Variants in UNC13C observed in about 807,000 individuals in gnomAD.
UNC13C encodes protein unc-13 homolog C.
Under a neutral mutation model 245.4 loss-of-function variants are expected in UNC13C, and 174 were observed. The observed-to-expected ratio is 0.71, with a 90% CI of 0.63 to 0.80. The LOEUF (loss-of-function observed/expected upper bound fraction) is 0.80. Among genes scored for constraint, UNC13C ranks in the 30% least tolerant of loss-of-function variants. UNC13C has a pLI of 0.00. For missense variants in UNC13C, 2,829 were observed against 2,602.9 expected, an observed-to-expected ratio of 1.09 and a Z score of -1.89; for synonymous variants, 992 against 895.1, an observed-to-expected ratio of 1.11 and a Z score of -1.93.
chr15:53,979,968 A>G (rs1163004871), intron 1 of UNC13C, among the ~76,000 whole-genome samples: 1 of 152,160 alleles, frequency 6.6e-6, no homozygotes, highest in Non-Finnish European at 1.5e-5. Context: ...GAGAAACGAG[A>G]ATGAGAAAGT....
intron 1 of UNC13C, among the ~76,000 whole-genome samples, chr15:54,012,096 G>C (rs574253144): frequency 1.3e-5 from 2 of 152,076 alleles, no homozygotes; most frequent in African/African-American, 4.8e-5. Context: ...AAATGTAAAC[G>C]TTATTTTCTT....
chr15:53,869,563 A>G, the UNC13C span, among the ~76,000 whole-genome samples: 1 of 152,212 alleles, frequency 6.6e-6, no homozygotes, highest in Non-Finnish European at 1.5e-5. Context: ...AGTAATAAGT[A>G]ATAGTACTTA....
intron 29 of UNC13C, among the ~76,000 whole-genome samples, chr15:54,566,259 C>A (rs1392856231): frequency 1.3e-5 from 2 of 151,950 alleles, no homozygotes; most frequent in Non-Finnish European, 2.9e-5. Context: ...AATCTTTTTT[C>A]CATCCTTAAA....
chr15:54,520,627 C>G (rs193234404), intron 24 of UNC13C, among the ~76,000 whole-genome samples: 1 of 152,148 alleles, frequency 6.6e-6, no homozygotes, highest in Admixed American at 6.5e-5. Context: ...CAGGGATATA[C>G]AGAGGAGGAA....
chr15:54,126,654 G>T (rs1314174438), intron 2 of UNC13C, among the ~76,000 whole-genome samples: 1 of 152,134 alleles, frequency 6.6e-6, no homozygotes, highest in Non-Finnish European at 1.5e-5. Flanking sequence ...CATGGGCAAA[G>T]ACTTCAGGAC....
chr15:54,429,526 T>G (rs1187981064), intron 19 of UNC13C, among the ~76,000 whole-genome samples: 1 of 151,770 alleles, frequency 6.6e-6, no homozygotes, highest in Non-Finnish European at 1.5e-5. Flanking sequence ...CTATAACTAG[T>G]ATTTCTCCCA....
intron 4 of UNC13C, among the ~76,000 whole-genome samples, chr15:54,205,514 G>A (rs2034679873): frequency 6.6e-6 from 1 of 151,982 alleles, no homozygotes; most frequent in South Asian, 2.1e-4. Context: ...CCTCATACCT[G>A]CCACACAGTA....
chr15:53,873,181 C>G, the UNC13C span, among the ~76,000 whole-genome samples: 6 of 151,906 alleles, frequency 3.9e-5, no homozygotes, highest in Admixed American at 3.9e-4. Flanking sequence ...CCTCTGGGCT[C>G]GGTCCTGTTT....
Position 54,076,325 on chromosome 15 carries a change from T to C in UNC13C, c.2983+60439T>C, listed in dbSNP as rs371652751. On this transcript the variant is annotated intron_variant, in intron 2 of 32. Coordinates refer to ENST00000260323, the MANE Select transcript of UNC13C (RefSeq NM_001080534.3). ...TTCCTGTGTCCATGTGATCTCATTGTTCATTTCCCACCTATGAGTGAGAAT... is the reference window on the plus strand; with the variant it reads ...TTCCTGTGTCCATGTGATCTCATTGCTCATTTCCCACCTATGAGTGAGAAT... 8.1e-3 allele frequency among the ~76,000 whole-genome samples: 1,156 copies of C among 142,770 alleles called. 25 individuals are homozygous for C. Among genetic ancestry groups the C allele is most frequent in the African/African-American group, 0.028 (1,090 of 38,298 alleles). 93.7% of individuals were successfully genotyped at this position (142,770 alleles called of 152,430 possible).
chr15:54,457,485 C>T (rs1259160467), intron 19 of UNC13C, among the ~76,000 whole-genome samples: 3 of 151,998 alleles, frequency 2.0e-5, no homozygotes, highest in Non-Finnish European at 4.4e-5. Flanking sequence ...TTATAGAATT[C>T]AGCTGTGAAT....
At chr15:54,115,074 A>G (rs1401039477) in intron 2 of UNC13C, among the ~76,000 whole-genome samples, 1 of 152,018 alleles carries the variant, frequency 6.6e-6, no homozygotes, top group Non-Finnish European at 1.5e-5. Flanking sequence ...TGTTCTGGAA[A>G]TATATACTGT....
chr15:54,233,308 C>T (rs2035602264), intron 4 of UNC13C, among the ~76,000 whole-genome samples: 2 of 152,066 alleles, frequency 1.3e-5, no homozygotes, highest in Admixed American at 6.6e-5. Context: ...TTCTTTTCTT[C>T]TCTCTTTTCT....
intron 19 of UNC13C, among the ~76,000 whole-genome samples, chr15:54,462,048 A>T (rs904086622): frequency 6.6e-6 from 1 of 152,136 alleles, no homozygotes; most frequent in African/African-American, 2.4e-5. Context: ...TATGTTTTCC[A>T]GTCATGTTAA....
the UNC13C span, among the ~76,000 whole-genome samples, chr15:53,902,518 G>A: frequency 3.9e-5 from 6 of 152,226 alleles, no homozygotes; most frequent in Admixed American, 3.3e-4. Flanking sequence ...AGTAGAAGGA[G>A]TAATTAGGGA....
At chr15:54,363,280 T>G (rs1437051610) in intron 17 of UNC13C, among the ~76,000 whole-genome samples, 1 of 152,138 alleles carries the variant, frequency 6.6e-6, no homozygotes, top group Non-Finnish European at 1.5e-5. Context: ...AGCCAATTTT[T>G]GTATTTTTAT....
chr15:54,467,549 G>T (rs1056401114), intron 19 of UNC13C, among the ~76,000 whole-genome samples: 3 of 151,518 alleles, frequency 2.0e-5, no homozygotes, highest in Non-Finnish European at 3.0e-5. Context: ...TAGTCACCAT[G>T]CTATGCAATA....
At chr15:54,517,038 A>C (rs1027352356) in intron 24 of UNC13C, among the ~76,000 whole-genome samples, 4 of 152,108 alleles carry the variant, frequency 2.6e-5, no homozygotes, top group Non-Finnish European at 4.4e-5. Flanking sequence ...AAATTCTTGC[A>C]GTTTTTTAAG....
chr15:53,985,847 T>C (rs369455864), intron 1 of UNC13C, among the ~76,000 whole-genome samples: 2 of 152,048 alleles, frequency 1.3e-5, no homozygotes, highest in South Asian at 4.1e-4. Flanking sequence ...ATTTTCCTCA[T>C]TGGGTGTGTA....
At chr15:54,109,479 T>C (rs781770478) in intron 2 of UNC13C, among the ~76,000 whole-genome samples, 2 of 151,030 alleles carry the variant, frequency 1.3e-5, no homozygotes, top group African/African-American at 2.4e-5. Context: ...GTAGCTGAGA[T>C]TACAGGCATG....
Sources: allele counts gnomAD v4.1 joint callset (sites outside exome capture counted in the v4.1 genomes callset), GRCh38; gene constraint gnomAD v4.1.1; transcripts MANE v1.5; gene names NCBI Gene and HGNC (gene_info 2026-07-23, HGNC 2026-07-21).